The following ITGAD variants were observed in gnomAD, a reference collection of about 807,000 sequenced individuals.
The protein encoded by ITGAD is integrin subunit alpha D.
In ITGAD, 105 loss-of-function variants were observed where a neutral mutation model predicts 139.0. The ratio of observed to expected loss-of-function variants is 0.76; its 90% CI spans 0.65 to 0.89. The LOEUF (loss-of-function observed/expected upper bound fraction) is 0.89, where lower values mean the gene tolerates loss of function less well. Ranked by LOEUF, ITGAD falls within the 40% of genes least tolerant of loss-of-function variation. The probability of loss-of-function intolerance (pLI) is 0.00; values close to 1 mark genes in which losing one functional copy is unlikely to be tolerated. For synonymous variants in ITGAD, 569 were observed against 598.3 expected (o/e 0.95, Z 0.71); for missense variants, 1,384 against 1,487.3 (o/e 0.93, Z 1.14).
intron 23 of ITGAD, among the ~76,000 whole-genome samples, chr16:31,419,927 T>C (rs2081976510): frequency 6.6e-6 from 1 of 152,204 alleles, no homozygotes; most frequent in African/African-American, 2.4e-5. Context: ...ACCATAGCTC[T>C]TGCTGCTTCT....
In ITGAD at chr16:31,414,605, A is replaced by G; in HGVS notation, c.2151A>G (p.Pro717=). Residue 717 remains proline (P), a splice_region_variant and synonymous_variant, in exon 17 of 30, where the codon CCA becomes CCG. Coordinates refer to ENST00000389202, the MANE Select transcript of ITGAD (RefSeq NM_005353.3). ...GTGAAACCCTGAAGCTGCTTTTGCC[A>G]GTGAGGACTTTGGGTTCTGGGAAGG... is the stretch of plus-strand genomic sequence containing the variant. ...IHCETLKLLL[P]DCVEDVVSPI... is the part of the protein sequence containing the mutation. The G allele has an allele frequency of 6.2e-7, 1 of 1,614,018 alleles. No homozygotes were observed. Among genetic ancestry groups the G allele is most frequent in the Admixed American group, 1.7e-5 (1 of 60,020 alleles).
intron 26 of ITGAD, 77 bp from the exon 27 acceptor site, chr16:31,423,768 C>A: frequency 3.2e-6 from 5 of 1,560,178 alleles, no homozygotes; most frequent in Non-Finnish European, 4.4e-6. Flanking sequence ...TTCCCCACCC[C>A]AAACCTGACC....
In ITGAD at chr16:31,424,214, T is replaced by C; in HGVS notation, c.3261+11T>C. 3.7e-6 allele frequency: 6 copies of C among 1,613,966 alleles called. No individual in the cohort carries two copies. Among genetic ancestry groups the C allele is most frequent in the South Asian group, 1.1e-5 (1 of 91,074 alleles). On this transcript the variant is annotated intron_variant, in intron 28 of 29. Coordinates refer to ENST00000389202, the MANE Select transcript of ITGAD (RefSeq NM_005353.3). ...TTTATGAGAGCTCAGGTAGAGACCA[T>C]GTGGAGGGCAGCGACCAGCTGGAAA...
At chr16:31,418,906 C>T (rs1284308149) in intron 23 of ITGAD, among the ~76,000 whole-genome samples, 4 of 152,052 alleles carry the variant, frequency 2.6e-5, no homozygotes, top group African/African-American at 9.7e-5. Flanking sequence ...TGCCTGTAAT[C>T]CCAGCTACTT....
At position 31,414,846 on chromosome 16, in the gene ITGAD, C is replaced by G. The variant is rs1445183656; in HGVS notation, c.2152-14C>G. The G allele has an allele frequency of 9.9e-6, 16 of 1,613,420 alleles. No individual in the cohort carries two copies. The highest frequency in any genetic ancestry group is 1.4e-5 in the Non-Finnish European group (16 of 1,179,556). ...GAGAGGACAGCAGGTTCTTGAAAGC[C>G]TGTTCTCTCTCAGGATTGTGTGGAG... On this transcript the variant is annotated splice_polypyrimidine_tract_variant and intron_variant, in intron 17 of 29. Coordinates refer to ENST00000389202, the MANE Select transcript of ITGAD (RefSeq NM_005353.3).
intron 17 of ITGAD, 103 bp from the exon 18 acceptor site, chr16:31,414,757 G>A (rs1229410116): frequency 6.4e-7 from 1 of 1,556,946 alleles, no homozygotes; most frequent in Admixed American, 1.7e-5. Context: ...TCCACGGCTT[G>A]GAGGGAGCAC....
intron 10 of ITGAD, among the ~76,000 whole-genome samples, chr16:31,409,328 C>T (rs538539540): frequency 9.7e-6 from 1 of 103,568 alleles, no homozygotes; most frequent in South Asian, 3.3e-4. Context: ...AAAAACAAAA[C>T]AAAACAAAGC....
At chr16:31,408,555 T>C in intron 10 of ITGAD, 57 bp downstream of exon 10, 2 of 1,488,130 alleles carry the variant, frequency 1.3e-6, no homozygotes, top group South Asian at 2.3e-5. Context: ...GCACCCACCC[T>C]GGGCTGGGGG....
In ITGAD at chr16:31,402,283, G is replaced by C. The variant is rs200753278; in HGVS notation, c.558+38G>C. The C allele has an allele frequency of 3.4e-5, 51 of 1,508,726 alleles. 1 individual carries two copies. The highest frequency in any genetic ancestry group is 8.6e-5 in the Admixed American group (5 of 58,234). 93.5% of individuals were successfully genotyped at this position (1,508,726 alleles called of 1,614,324 possible). A position where few individuals can be genotyped will look rare whatever the true frequency, so the allele number is the denominator to read the frequency against. ...CACCTGGGGCTGGGGTTTGGGGGAC[G>C]GGGGAGGCTGGCCTCGGGGAGGCAT... On this transcript the variant is annotated intron_variant, in intron 6 of 29. Transcript: ENST00000389202.
chr16:31,394,263 T>C lies in ITGAD; in HGVS notation c.59T>C (p.Leu20Pro). Residue 20 changes from leucine (L) to proline (P), a missense_variant, in exon 2 of 30, where the codon CTG (leucine) becomes CCG (proline). Coordinates refer to ENST00000389202, the MANE Select transcript of ITGAD (RefSeq NM_005353.3). ...CTGGCTTCTTATCATGGATTCAACC[T>C]GGATGTGGAGGAGCCTACGATCTTC... is the stretch of plus-strand genomic sequence containing the variant. ...SVLASYHGFNLDVEEPTIFQE... is the reference protein window; with the variant it reads ...SVLASYHGFNPDVEEPTIFQE... The C allele has an allele frequency of 6.2e-7, 1 of 1,613,752 alleles. No individual in the cohort carries two copies. The highest frequency in any genetic ancestry group is 2.2e-5 in the East Asian group (1 of 44,870).
intron 12 of ITGAD, 98 bp from the exon 13 acceptor site, chr16:31,410,978 C>T (rs1369160946): frequency 6.3e-7 from 1 of 1,597,530 alleles, no homozygotes; most frequent in Non-Finnish European, 8.5e-7. Context: ...CTTTGGGGGC[C>T]TTGGGAGAGG....
chr16:31,424,084 C>G lies in ITGAD; in HGVS notation c.3160-18C>G, dbSNP rs367984659. On this transcript the variant is annotated intron_variant, in intron 27 of 29. Coordinates refer to ENST00000389202, the MANE Select transcript of ITGAD (RefSeq NM_005353.3). ...CCCCCAGAGCCAGTTCCACAGGTTT[C>G]CCCCAACCCCTTTGCAGACATTGCA... 5 of 1,613,958 alleles carry G rather than the reference C, an allele frequency of 3.1e-6. No individual in the cohort carries two copies. The African/African-American group carries it at 6.7e-5, about 22-fold the overall frequency.
Position 31,408,506 on chromosome 16 carries a change from GAGCCTGCCCTCAATCCAT to G in ITGAD, c.1083+12_1083+29del, listed in dbSNP as rs767645095. ...AGCACAGCCCTCACAATGGTGGGTA[GAGCCTGCCCTCAATCCAT>G]AGCTCTTGGATACCAACTCTGCACC... On this transcript the variant is annotated intron_variant, in intron 10 of 29. Coordinates refer to ENST00000389202, the MANE Select transcript of ITGAD (RefSeq NM_005353.3). 6.2e-7 allele frequency: 1 copy of G among 1,612,818 alleles called. No individual in the cohort carries two copies. Among genetic ancestry groups the G allele is most frequent in the African/African-American group, 1.3e-5 (1 of 74,900 alleles).
At chr16:31,408,161 G>A (rs1165064056) in intron 9 of ITGAD, among the ~76,000 whole-genome samples, 3 of 152,054 alleles carry the variant, frequency 2.0e-5, no homozygotes, top group South Asian at 2.1e-4. Context: ...TAGTAGAGGC[G>A]GGGTTTTGTC....
chr16:31,406,210 G>A (rs549687222), intron 7 of ITGAD, among the ~76,000 whole-genome samples: 1 of 152,184 alleles, frequency 6.6e-6, no homozygotes, highest in East Asian at 1.9e-4. Flanking sequence ...GAGTAGCTGG[G>A]ATTACAGGCA....
intron 29 of ITGAD, 90 bp from the exon 30 acceptor site, chr16:31,425,925 C>G (rs1028371672): frequency 1.3e-6 from 1 of 794,792 alleles, no homozygotes; most frequent in African/African-American, 1.7e-5. Context: ...AGGTGATCCA[C>G]CCTCCTCAGC....
intron 10 of ITGAD, among the ~76,000 whole-genome samples, chr16:31,408,959 T>A (rs1446167139): frequency 1.3e-5 from 2 of 151,996 alleles, no homozygotes; most frequent in Non-Finnish European, 2.9e-5. Flanking sequence ...AAGGACCAGG[T>A]GGGATCAAAG....
chr16:31,421,070 C>T (rs1459648036), intron 23 of ITGAD, among the ~76,000 whole-genome samples: 1 of 152,164 alleles, frequency 6.6e-6, no homozygotes, highest in African/African-American at 2.4e-5. Context: ...TTTTCTTACA[C>T]CATCTTAAGT....
chr16:31,414,555 A>G lies in ITGAD; in HGVS notation c.2101A>G (p.Lys701Glu), dbSNP rs1361313305. 4.3e-6 allele frequency: 7 copies of G among 1,614,128 alleles called. No individual in the cohort carries two copies. Among genetic ancestry groups the G allele is most frequent in the Non-Finnish European group, 5.1e-6 (6 of 1,180,052 alleles). The change falls in exon 17 of 30, where the codon AAA (lysine) becomes GAA (glutamate). Residue 701 changes from lysine (K) to glutamate (E), a missense_variant. Coordinates refer to ENST00000389202, the MANE Select transcript of ITGAD (RefSeq NM_005353.3). ...CAAGAACCCCACTTTGACTCGAAGAAAAACCCTGGGACTGGGGATTCACTG... is the reference window on the plus strand; with the variant it reads ...CAAGAACCCCACTTTGACTCGAAGAGAAACCCTGGGACTGGGGATTCACTG... Reference protein sequence around the residue: ...ETKNPTLTRRKTLGLGIHCET... With the variant: ...ETKNPTLTRRETLGLGIHCET...
Sources: gnomAD v4.1 joint callset for allele counts (sites outside exome capture counted in the v4.1 genomes callset) on GRCh38, gnomAD v4.1.1 for gene constraint, MANE v1.5 for transcripts, NCBI Gene and HGNC (gene_info 2026-07-23, HGNC 2026-07-21) for gene names.